Variants in ALPK1 observed in about 807,000 individuals in gnomAD.
ALPK1 encodes alpha-protein kinase 1.
Under a neutral mutation model 120.6 loss-of-function variants are expected in ALPK1, and 110 were observed. The observed-to-expected ratio is 0.91, with a 90% CI of 0.78 to 1.07. ALPK1 has a LOEUF of 1.07. Among genes scored for constraint, ALPK1 ranks in the 50% least tolerant of loss-of-function variants. The pLI is 0.00. For synonymous variants in ALPK1, 582 were observed against 560.3 expected (o/e 1.04, Z -0.55); for missense variants, 1,498 against 1,483.9 (o/e 1.01, Z -0.16).
At chr4:112,299,980 A>G (rs1286664259) in intron 1 of ALPK1, among the ~76,000 whole-genome samples, 1 of 152,180 alleles carries the variant, frequency 6.6e-6, no homozygotes, top group Non-Finnish European at 1.5e-5. Context: ...GGGTCATAGT[A>G]TGTGCCAATG....
At chr4:112,434,857 A>G (rs1734721507) in intron 11 of ALPK1, among the ~76,000 whole-genome samples, 1 of 152,128 alleles carries the variant, frequency 6.6e-6, no homozygotes, top group South Asian at 2.1e-4. Context: ...ATTTTCCACT[A>G]CTTTCATATA....
At chr4:112,300,412 A>G (rs1282664745) in intron 1 of ALPK1, among the ~76,000 whole-genome samples, 2 of 151,856 alleles carry the variant, frequency 1.3e-5, no homozygotes, top group Non-Finnish European at 2.9e-5. Context: ...GAAAACAAAT[A>G]TAGTTTATTA....
At chr4:112,338,360 C>A (rs963917102) in intron 2 of ALPK1, among the ~76,000 whole-genome samples, 45 of 152,056 alleles carry the variant, frequency 3.0e-4, no homozygotes, top group African/African-American at 1.0e-3. Context: ...TAAATCTACC[C>A]AAAAAGCATA....
chr4:112,426,537 T>G lies in ALPK1; in HGVS notation c.693T>G (p.Asp231Glu). The G allele has an allele frequency of 6.3e-7, 1 of 1,575,220 alleles. No individual in the cohort carries two copies. Among genetic ancestry groups the G allele is most frequent in the Non-Finnish European group, 8.6e-7 (1 of 1,165,546 alleles). The change falls in exon 8 of 16, where the codon GAT (aspartate) becomes GAG (glutamate). Residue 231 changes from aspartate to glutamate, a missense_variant. Transcript: ENST00000650871. ...IVGYLALPQP[D>E]KKGLSTSLGI... ...GATATTTGGCACTTCCTCAGCCGGA[T>G]AAAAAGGTGGTTTGTCTAGTGCTTC... is the stretch of plus-strand genomic sequence containing the variant.
chr4:112,303,226 T>C (rs772966347), intron 1 of ALPK1, among the ~76,000 whole-genome samples: 20 of 152,176 alleles, frequency 1.3e-4, no homozygotes, highest in African/African-American at 4.3e-4. Context: ...AACACTAATA[T>C]ATTAAAGGCC....
chr4:112,350,403 C>G (rs940241085), intron 2 of ALPK1, among the ~76,000 whole-genome samples: 1 of 152,144 alleles, frequency 6.6e-6, no homozygotes, highest in African/African-American at 2.4e-5. Flanking sequence ...TTTTCATGTA[C>G]GTATCACACC....
chr4:112,332,402 T>A (rs1252864891), intron 2 of ALPK1, among the ~76,000 whole-genome samples: 2 of 152,248 alleles, frequency 1.3e-5, no homozygotes, highest in Non-Finnish European at 2.9e-5. Context: ...GAAACATCAA[T>A]GAGTTAGTAG....
At chr4:112,335,572 T>C (rs1018360891) in intron 2 of ALPK1, among the ~76,000 whole-genome samples, 9 of 152,116 alleles carry the variant, frequency 5.9e-5, no homozygotes, top group Non-Finnish European at 1.3e-4. Context: ...GGGACTAATA[T>C]CTGTGTGGGG....
chr4:112,302,107 A>C (rs1385913936), intron 1 of ALPK1, among the ~76,000 whole-genome samples: 1 of 151,954 alleles, frequency 6.6e-6, no homozygotes, highest in Non-Finnish European at 1.5e-5. Flanking sequence ...CTCTTTCTTC[A>C]TCTCTGCTTT....
Position 112,441,183 on chromosome 4 carries a change from A to T in ALPK1, c.3728-20A>T. On this transcript the variant is annotated intron_variant, in intron 15 of 15. Coordinates refer to ENST00000650871, the MANE Select transcript of ALPK1 (RefSeq NM_025144.4). ...CAAATATCTGGTGATGCTCGCAAAT[A>T]TCTGGTTCTCTCCTTCCAGGCACAT... The T allele has an allele frequency of 6.2e-7, 1 of 1,612,110 alleles. No homozygotes were observed. The highest frequency in any genetic ancestry group is 8.5e-7 in the Non-Finnish European group (1 of 1,178,194).
chr4:112,305,152 G>A (rs1317703960), intron 1 of ALPK1, among the ~76,000 whole-genome samples: 1 of 151,974 alleles, frequency 6.6e-6, no homozygotes, highest in Non-Finnish European at 1.5e-5. Flanking sequence ...GGTTACCGTA[G>A]CCTTGTAGTA....
chr4:112,407,104 A>G (rs1236015838), intron 4 of ALPK1, among the ~76,000 whole-genome samples: 1 of 152,198 alleles, frequency 6.6e-6, no homozygotes, highest in African/African-American at 2.4e-5. Context: ...GAAAGGTGTC[A>G]CACCTCTTCA....
Position 112,430,662 on chromosome 4 carries a change from C to T in ALPK1, c.1115C>T (p.Thr372Ile), listed in dbSNP as rs1734497136. The stretch of plus-strand genomic sequence containing the variant: ...GTGCACAGAAGGCTCCATGGGGAGA[C>T]AGGGACGGTCCATGCAGCAAGTCAG... ...TTVHRRLHGE[T>I]GTVHAASQLC... Residue 372 changes from threonine to isoleucine, a missense_variant, in exon 11 of 16, where the codon ACA becomes ATA. Thr to Ile is a moderately conservative substitution (Grantham distance 89, BLOSUM62 -1). Coordinates refer to ENST00000650871, the MANE Select transcript of ALPK1 (RefSeq NM_025144.4). 1 of 1,614,130 alleles carries T rather than the reference C, an allele frequency of 6.2e-7. No homozygotes were observed. Among genetic ancestry groups the T allele is most frequent in the African/African-American group, 1.3e-5 (1 of 75,008 alleles).
chr4:112,382,716 C>A, intron 4 of ALPK1, 164 bp downstream of exon 4: 2 of 968,734 alleles, frequency 2.1e-6, no homozygotes, highest in Non-Finnish European at 3.0e-6. Context: ...GTTTGAAAAA[C>A]ATTACTTGCC....
chr4:112,387,947 A>G (rs995341261), intron 4 of ALPK1, among the ~76,000 whole-genome samples: 3 of 152,084 alleles, frequency 2.0e-5, no homozygotes, highest in Admixed American at 6.5e-5. Flanking sequence ...CCACCTTCCA[A>G]TAGGCCCCAG....
At position 112,427,567 on chromosome 4, in the gene ALPK1, C is replaced by T. The variant is rs767554894; in HGVS notation, c.700-3C>T. 1.2e-4 allele frequency: 191 copies of T among 1,611,734 alleles called. No individual in the cohort carries two copies. Among genetic ancestry groups the T allele is most frequent in the Non-Finnish European group, 1.5e-4 (181 of 1,178,016 alleles). On this transcript the variant is annotated splice_region_variant and splice_polypyrimidine_tract_variant and intron_variant, in intron 8 of 15. Transcript: ENST00000650871. ...CTGTGACTTCTTTGTGTTTTTCTTA[C>T]AGGGCCTCTCCACGTCGCTAGGTAT...
At chr4:112,321,077 T>G (rs1728848690) in intron 2 of ALPK1, among the ~76,000 whole-genome samples, 1 of 151,896 alleles carries the variant, frequency 6.6e-6, no homozygotes, top group Non-Finnish European at 1.5e-5. Context: ...TTTTGTATTT[T>G]CAGTAGAAAT....
At chr4:112,425,958 G>C (rs1278327637) in intron 7 of ALPK1, 1 of 435,304 alleles carries the variant, frequency 2.3e-6, no homozygotes, top group Non-Finnish European at 4.2e-6. Flanking sequence ...AGTTTTGTTA[G>C]AGAGGTTCAC....
intron 10 of ALPK1, among the ~76,000 whole-genome samples, 158 bp from the exon 11 acceptor site, chr4:112,430,290 C>T (rs1156338017): frequency 6.6e-6 from 1 of 152,210 alleles, no homozygotes; most frequent in East Asian, 1.9e-4. Context: ...GGGTCCTTAA[C>T]TCAATGTTTG....
Sources: gnomAD v4.1 joint callset for allele counts (sites outside exome capture counted in the v4.1 genomes callset) on GRCh38, gnomAD v4.1.1 for gene constraint, MANE v1.5 for transcripts, NCBI Gene and HGNC (gene_info 2026-07-23, HGNC 2026-07-21) for gene names.